Variants in VRK2 observed in about 807,000 individuals in gnomAD.
VRK2 encodes serine/threonine-protein kinase VRK2.
In VRK2, 60 loss-of-function variants were observed where a neutral mutation model predicts 57.6. The ratio of observed to expected loss-of-function variants is 1.04; its 90% CI spans 0.85 to 1.29. VRK2 has a LOEUF of 1.29. Ranked by LOEUF, VRK2 falls within the 50% of genes most tolerant of loss-of-function variation. The pLI is 0.00. For missense variants in VRK2, 705 were observed against 588.1 expected (o/e 1.20, Z -2.06); for synonymous variants, 231 against 199.2 (o/e 1.16, Z -1.35).
intron 1 of VRK2, among the ~76,000 whole-genome samples, chr2:57,961,839 G>A (rs1414907770): frequency 6.6e-6 from 1 of 152,152 alleles, no homozygotes; most frequent in Non-Finnish European, 1.5e-5. Flanking sequence ...CAGTTTGGGA[G>A]GCTGAGACAG....
At chr2:58,088,490 C>A in intron 6 of VRK2, 44 bp downstream of exon 6, 2 of 1,359,014 alleles carry the variant, frequency 1.5e-6, no homozygotes, top group African/African-American at 1.4e-5. Flanking sequence ...AAATTGTTTA[C>A]TTCTTGCAAT....
intron 1 of VRK2, among the ~76,000 whole-genome samples, chr2:57,977,870 T>C (rs2104039537): frequency 6.6e-6 from 1 of 151,298 alleles, no homozygotes; most frequent in East Asian, 1.9e-4. Context: ...GAGATGGCTC[T>C]TATCATTTTG....
At chr2:58,019,029 T>A (rs935692913) in intron 1 of VRK2, among the ~76,000 whole-genome samples, 1 of 152,216 alleles carries the variant, frequency 6.6e-6, no homozygotes, top group African/African-American at 2.4e-5. Flanking sequence ...TTTTATACAA[T>A]ATTTTAGATG....
chr2:58,116,511 A>G (rs961803725), intron 7 of VRK2, among the ~76,000 whole-genome samples: 6 of 152,142 alleles, frequency 3.9e-5, no homozygotes, highest in Admixed American at 2.6e-4. Context: ...GTCAATACCC[A>G]CAACAGTTAT....
rs1681571606 is a variant in VRK2, at chr2:58,143,048, ATAT to A, written c.1023+3224_1023+3226del. Among the ~76,000 whole-genome samples the A allele has an allele frequency of 3.3e-5, 5 of 151,874 alleles. No individual in the cohort carries two copies. The South Asian group carries it at 8.3e-4, about 25-fold the overall frequency. On this transcript the variant is annotated intron_variant, in intron 11 of 12. Coordinates refer to ENST00000340157, the MANE Select transcript of VRK2 (RefSeq NM_006296.7). ...TCCCATAGCATATCCAGAGTTGAAT[ATAT>A]TATTATTGGTAGTAGTAGTATTTGT...
intron 7 of VRK2, among the ~76,000 whole-genome samples, chr2:58,115,067 C>T (rs1044427366): frequency 1.4e-4 from 22 of 151,960 alleles, no homozygotes; most frequent in Admixed American, 5.2e-4. Flanking sequence ...TAGATTTCCA[C>T]GATGGAAAGG....
At chr2:58,136,429 G>C (rs965424146) in intron 10 of VRK2, among the ~76,000 whole-genome samples, 2 of 150,528 alleles carry the variant, frequency 1.3e-5, no homozygotes, top group African/African-American at 4.9e-5. Flanking sequence ...CTGTCACCCA[G>C]GCTGGAGTGC....
At chr2:57,984,012 C>CA (rs1672514720) in intron 1 of VRK2, among the ~76,000 whole-genome samples, 1 of 152,128 alleles carries the variant, frequency 6.6e-6, no homozygotes, top group South Asian at 2.1e-4. Flanking sequence ...ATACTTCCTG[C>CA]ATGGCTGATA....
At position 58,085,690 on chromosome 2, in the gene VRK2, C is replaced by T. The variant is rs150572642; in HGVS notation, c.257-649C>T. ...TAATAAAGTCTTCTAAACATTAAGA[C>T]TGTAATCTTTACTAATTGCTTAAAC... On this transcript the variant is annotated intron_variant, in intron 4 of 12. Transcript: ENST00000340157. 2.8e-3 allele frequency among the ~76,000 whole-genome samples: 425 copies of T among 151,946 alleles called. 1 individual carries two copies. Among genetic ancestry groups the T allele is most frequent in the Non-Finnish European group, 3.6e-3 (247 of 67,816 alleles).
In VRK2 at chr2:58,012,944, G is replaced by A. The variant is rs555721789; in HGVS notation, c.-438-12721G>A. ...TTCAGTGTATTTTAGAGTGTTGAAA[G>A]CTTGACATGTCAATATCTGAAAATT... On this transcript the variant is annotated intron_variant, in intron 1 of 15. Coordinates refer to the VRK2 transcript ENST00000417641. Among the ~76,000 whole-genome samples the A allele has an allele frequency of 5.3e-5, 8 of 152,258 alleles. No homozygotes were observed. In the South Asian group the frequency reaches 1.7e-3, roughly 31 times the overall value.
intron 2 of VRK2, among the ~76,000 whole-genome samples, chr2:58,061,512 C>G (rs1413759733): frequency 1.3e-5 from 2 of 151,502 alleles, no homozygotes; most frequent in South Asian, 4.2e-4. Flanking sequence ...AATCGGTTGC[C>G]AAAAAAGCAA....
chr2:58,097,279 TTCTC>T lies in VRK2; in HGVS notation c.543+7560_543+7563del, dbSNP rs561717020. 6.5e-3 allele frequency among the ~76,000 whole-genome samples: 987 copies of T among 152,238 alleles called. 7 individuals are homozygous for T. Among genetic ancestry groups the T allele is most frequent in the African/African-American group, 0.022 (921 of 41,582 alleles). ...TTTAAACGTCTACTCTTATTAGTGTTTCTCTCTGTCTCCTTGTTCTCCTATAGTT... is the reference window on the plus strand; with the variant it reads ...TTTAAACGTCTACTCTTATTAGTGTTTCTGTCTCCTTGTTCTCCTATAGTT... On this transcript the variant is annotated intron_variant, in intron 7 of 12. Coordinates refer to ENST00000340157, the MANE Select transcript of VRK2 (RefSeq NM_006296.7).
At chr2:58,084,643 T>G (rs1671358765) in intron 3 of VRK2, among the ~76,000 whole-genome samples, 1 of 151,904 alleles carries the variant, frequency 6.6e-6, no homozygotes, top group Admixed American at 6.6e-5. Flanking sequence ...AAAACTACTT[T>G]TATGTGTAAG....
intron 1 of VRK2, among the ~76,000 whole-genome samples, chr2:58,007,017 T>C (rs1572771116): frequency 6.6e-6 from 1 of 151,984 alleles, no homozygotes; most frequent in Non-Finnish European, 1.5e-5. Flanking sequence ...ATATTAATCT[T>C]TCTCTCAGCC....
At chr2:58,006,422 G>C (rs1256443050) in intron 1 of VRK2, among the ~76,000 whole-genome samples, 1 of 152,190 alleles carries the variant, frequency 6.6e-6, no homozygotes, top group African/African-American at 2.4e-5. Flanking sequence ...AGATTGGAAT[G>C]TTAGAGTGGA....
intron 12 of VRK2, among the ~76,000 whole-genome samples, chr2:58,147,809 T>G (rs756526588): frequency 0.01 from 1,523 of 151,720 alleles, 20 homozygotes; most frequent in Non-Finnish European, 0.015. Context: ...TGTTTTTTTT[T>G]TTTTTTTGAG....
intron 1 of VRK2, among the ~76,000 whole-genome samples, chr2:57,922,740 G>A (rs1345573114): frequency 6.9e-6 from 1 of 145,538 alleles, no homozygotes; most frequent in Non-Finnish European, 1.5e-5. Context: ...CTCTCTTTGC[G>A]ATACAAACAA....
At chr2:58,055,352 GT>G (rs1472234281) in intron 2 of VRK2, among the ~76,000 whole-genome samples, 3 of 152,162 alleles carry the variant, frequency 2.0e-5, no homozygotes, top group Non-Finnish European at 2.9e-5. Flanking sequence ...ACTACAGTCT[GT>G]TGAGAGCTTT....
chr2:58,064,626 T>C (rs547663214), intron 2 of VRK2, among the ~76,000 whole-genome samples: 3 of 152,246 alleles, frequency 2.0e-5, no homozygotes, highest in African/African-American at 7.2e-5. Flanking sequence ...ATTCATTTTA[T>C]TGCATTGTTG....
Sources: gnomAD v4.1 joint callset for allele counts (sites outside exome capture counted in the v4.1 genomes callset) on GRCh38, gnomAD v4.1.1 for gene constraint, MANE v1.5 for transcripts, NCBI Gene and HGNC (gene_info 2026-07-23, HGNC 2026-07-21) for gene names.